The following HSP90AA1 variants were observed in gnomAD, a reference collection of about 807,000 sequenced individuals.
HSP90AA1 encodes heat shock protein 90 alpha family class A member 1.
In HSP90AA1, 18 loss-of-function variants were observed where a neutral mutation model predicts 73.3. That is an observed-to-expected ratio of 0.25 (90% CI 0.17 to 0.36). The LOEUF is 0.36. HSP90AA1 is among the 10% of genes least tolerant of loss of function. The pLI is 1.00. For synonymous variants in HSP90AA1, 477 were observed against 296.9 expected (o/e 1.61, Z -6.24); for missense variants, 704 against 874.2 (o/e 0.81, Z 2.45).
At chr14:102,087,257 C>T (rs562683374), upstream of HSP90AA1, 16 of 708,306 alleles carry the variant, frequency 2.3e-5, no homozygotes, top group Middle Eastern at 7.4e-4. Flanking sequence ...GGCAACCTTC[C>T]CTCAATCGCC....
chr14:102,091,073 G>A (rs2049351801), upstream of HSP90AA1, among the ~76,000 whole-genome samples: 1 of 152,170 alleles, frequency 6.6e-6, no homozygotes. Context: ...AGCCACTTCT[G>A]GTTTTGGAGA....
intron 1 of HSP90AA1, among the ~76,000 whole-genome samples, chr14:102,103,149 C>T (rs1177943212): frequency 6.8e-6 from 1 of 146,172 alleles, no homozygotes; most frequent in African/African-American, 2.6e-5. Context: ...CCAATATACT[C>T]CAGCCTGGGC....
intron 1 of HSP90AA1, among the ~76,000 whole-genome samples, chr14:102,120,632 T>C (rs1458349977): frequency 6.6e-6 from 1 of 151,994 alleles, no homozygotes; most frequent in East Asian, 1.9e-4. Flanking sequence ...CCTATTTTGT[T>C]ATAGGTATAT....
chr14:102,091,092 G>C (rs1475380095), upstream of HSP90AA1, among the ~76,000 whole-genome samples: 1 of 152,228 alleles, frequency 6.6e-6, no homozygotes, highest in African/African-American at 2.4e-5. Context: ...GATGGCTCAG[G>C]TGATAGCCTA....
intron 1 of HSP90AA1, among the ~76,000 whole-genome samples, chr14:102,134,876 C>G (rs1376026018): frequency 6.6e-6 from 1 of 152,226 alleles, no homozygotes; most frequent in African/African-American, 2.4e-5. Flanking sequence ...ATTCTCTTAT[C>G]TGGCCCCACC....
chr14:102,134,477 G>C (rs28480324), intron 1 of HSP90AA1, among the ~76,000 whole-genome samples: 9 of 152,040 alleles, frequency 5.9e-5, no homozygotes, highest in Non-Finnish European at 1.3e-4. Flanking sequence ...ATGAAGCCGC[G>C]GACCCTCGCA....
At chr14:102,098,407 G>T (rs562088247) in intron 2 of HSP90AA1, among the ~76,000 whole-genome samples, 7 of 147,824 alleles carry the variant, frequency 4.7e-5, no homozygotes, top group African/African-American at 1.5e-4. Flanking sequence ...TGATCTGCCC[G>T]CCTCAGCCTC....
intron 1 of HSP90AA1, among the ~76,000 whole-genome samples, chr14:102,117,536 T>C (rs1429633376): frequency 2.6e-5 from 4 of 152,036 alleles, no homozygotes; most frequent in African/African-American, 7.2e-5. Flanking sequence ...AGAGAGGAGC[T>C]ACCCTCTTTG....
In HSP90AA1 at chr14:102,085,654, G is replaced by C. The variant is rs1386743612; in HGVS notation, c.529+104C>G. ...GCTCTAGCTTGTTCCTGATCGTTGG[G>C]CAAACACAAATTCTGTAAGCTTCAC... On this transcript the variant is annotated intron_variant, in intron 3 of 10. Coordinates refer to ENST00000216281, the MANE Select transcript of HSP90AA1 (RefSeq NM_005348.4). 7 of 1,543,748 alleles carry C rather than the reference G, an allele frequency of 4.5e-6. No individual in the cohort carries two copies. The African/African-American group carries it at 9.5e-5, about 21-fold the overall frequency.
rs1243271342 is a variant in HSP90AA1 at position 102,113,798 on chromosome 14, G to C, written c.156-11713C>G. On this transcript the variant is annotated intron_variant, in intron 1 of 11. Transcript: ENST00000334701. ...TGATCTTGACTCACTGCAAGCTCTG[G>C]CTCCCAGGTTCACGCCATTCTCCTG... 2.6e-5 allele frequency among the ~76,000 whole-genome samples: 4 copies of C among 150,986 alleles called. 1 individual carries two copies. The East Asian group carries it at 7.9e-4, about 30-fold the overall frequency.
intron 1 of HSP90AA1, among the ~76,000 whole-genome samples, chr14:102,106,584 G>A (rs1009200619): frequency 1.6e-5 from 2 of 124,382 alleles, no homozygotes; most frequent in Admixed American, 1.1e-4. Flanking sequence ...TCTCTCTGTC[G>A]CCCGGGCTGG....
At chr14:102,108,480 T>C (rs1645142034) in intron 1 of HSP90AA1, among the ~76,000 whole-genome samples, 1 of 151,322 alleles carries the variant, frequency 6.6e-6, no homozygotes, top group African/African-American at 2.4e-5. Context: ...CATTAACAAA[T>C]AGTAAAACTT....
intron 1 of HSP90AA1, among the ~76,000 whole-genome samples, chr14:102,124,979 G>T (rs947992909): frequency 1.3e-5 from 2 of 151,984 alleles, no homozygotes; most frequent in African/African-American, 4.8e-5. Context: ...ATCATTCAGT[G>T]CCCACATTCA....
chr14:102,084,749 T>C lies in HSP90AA1; in HGVS notation c.913A>G (p.Thr305Ala). The C allele has an allele frequency of 1.9e-6, 3 of 1,614,190 alleles. No homozygotes were observed. The highest frequency in any genetic ancestry group is 2.5e-6 in the Non-Finnish European group (3 of 1,180,022). Residue 305 changes from threonine (T) to alanine (A), a missense_variant, in exon 5 of 11, where the codon ACT (threonine) becomes GCT (alanine). Thr to Ala is a moderately conservative substitution (Grantham distance 58, BLOSUM62 0). Coordinates refer to ENST00000216281, the MANE Select transcript of HSP90AA1 (RefSeq NM_005348.4). ...PIWTRNPDDI[T>A]NEEYGEFYKS... ...TAGAATTCTCCGTACTCCTCATTAG[T>C]AATATCGTCGGGATTTCTGGTCCAG...
intron 1 of HSP90AA1, among the ~76,000 whole-genome samples, chr14:102,129,833 T>A (rs1396043698): frequency 6.6e-6 from 1 of 152,102 alleles, no homozygotes; most frequent in Non-Finnish European, 1.5e-5. Context: ...AGCTGATTAA[T>A]ATTCCATTGT....
At chr14:102,084,081 C>A (rs747687511) in intron 6 of HSP90AA1, 98 bp from the exon 7 acceptor site, 6 of 971,956 alleles carry the variant, frequency 6.2e-6, no homozygotes, top group Non-Finnish European at 6.5e-6. Context: ...GATGATGGGA[C>A]GTATTTTTGA....
chr14:102,121,544 G>GT (rs1394286318), intron 1 of HSP90AA1, among the ~76,000 whole-genome samples: 6 of 151,918 alleles, frequency 3.9e-5, no homozygotes, highest in Admixed American at 6.6e-5. Context: ...CAAAATGCCT[G>GT]TTTTTTTTCT....
intron 1 of HSP90AA1, among the ~76,000 whole-genome samples, chr14:102,138,357 T>TA (rs2050085179): frequency 6.6e-6 from 1 of 152,206 alleles, no homozygotes; most frequent in Non-Finnish European, 1.5e-5. Context: ...ATAACACAGT[T>TA]ATGGAGTTTG....
chr14:102,117,990 T>C (rs1372374479), intron 1 of HSP90AA1, among the ~76,000 whole-genome samples: 1 of 152,196 alleles, frequency 6.6e-6, no homozygotes, highest in Non-Finnish European at 1.5e-5. Flanking sequence ...AGCCATTGCC[T>C]GTGCTGGCAC....
Sources: allele counts gnomAD v4.1 joint callset (sites outside exome capture counted in the v4.1 genomes callset), GRCh38; gene constraint gnomAD v4.1.1; transcripts MANE v1.5; gene names NCBI Gene and HGNC (gene_info 2026-07-23, HGNC 2026-07-21).